CHIC1: variants seen among roughly 807,000 people sequenced by gnomAD.
The protein encoded by CHIC1 is cysteine rich hydrophobic domain 1, also known as cysteine-rich hydrophobic domain-containing protein 1.
In CHIC1, 7 loss-of-function variants were observed where a neutral mutation model predicts 18.5. The ratio of observed to expected loss-of-function variants is 0.38; its 90% CI spans 0.22 to 0.71. CHIC1 has a LOEUF of 0.71. CHIC1 is among the 30% of genes least tolerant of loss of function. CHIC1 has a pLI of 0.49. For missense variants in CHIC1, 159 were observed against 176.9 expected (o/e 0.90, Z 0.57); for synonymous variants, 77 against 73.5 (o/e 1.05, Z -0.25).
chrX:73,572,710 G>T (rs2057476961), intron 1 of CHIC1, among the ~76,000 whole-genome samples: 1 of 111,439 alleles, frequency 9.0e-6, no homozygotes, highest in Admixed American at 9.5e-5. Context: ...TAGTGATGAT[G>T]AGCATTTTTT....
intron 3 of CHIC1, among the ~76,000 whole-genome samples, chrX:73,666,904 T>C (rs1302412220): frequency 1.8e-5 from 2 of 111,698 alleles, no homozygotes. Context: ...GTCCTGAATA[T>C]CTGTTAATCT....
In CHIC1 at chrX:73,681,352, A is replaced by T; in HGVS notation, c.*347A>T. 7.0e-6 allele frequency: 1 copy of T among 142,357 alleles called. No individual in the cohort carries two copies. Among genetic ancestry groups the T allele is most frequent in the Non-Finnish European group, 1.4e-5 (1 of 73,294 alleles). The allele number at this position is 142,357 out of a possible 1,213,427, so 11.7% of individuals were successfully genotyped here. On this transcript the variant is annotated 3_prime_UTR_variant, in exon 6 of 6. Transcript: ENST00000373502. ...TAATTTTCATACTCATTGTTTCTAA[A>T]CTCGCATCATTTTTCTAGGCTACTT...
At chrX:73,600,534 T>C (rs1235153785) in intron 3 of CHIC1, among the ~76,000 whole-genome samples, 1 of 108,432 alleles carries the variant, frequency 9.2e-6, no homozygotes, top group South Asian at 3.8e-4. Flanking sequence ...TTGAGAGTTT[T>C]TAGCATGAAG....
intron 3 of CHIC1, among the ~76,000 whole-genome samples, chrX:73,677,553 A>G (rs2058073344): frequency 8.9e-6 from 1 of 111,952 alleles, no homozygotes; most frequent in Non-Finnish European, 1.9e-5. Context: ...GCAGGATATA[A>G]TCTCCTGGTG....
intron 3 of CHIC1, among the ~76,000 whole-genome samples, chrX:73,658,963 C>G (rs2057965450): frequency 8.9e-6 from 1 of 111,795 alleles, no homozygotes; most frequent in African/African-American, 3.3e-5. Context: ...GGCTAGGGGA[C>G]CAGGCCACCC....
chrX:73,629,422 G>A (rs1013945920), intron 3 of CHIC1, among the ~76,000 whole-genome samples: 12 of 111,150 alleles, frequency 1.1e-4, no homozygotes, highest in Non-Finnish European at 2.1e-4. Flanking sequence ...TTTTCTTTTA[G>A]GAGTTTTACA....
At chrX:73,658,367 G>A (rs2057962346) in intron 3 of CHIC1, among the ~76,000 whole-genome samples, 1 of 100,182 alleles carries the variant, frequency 1.0e-5, no homozygotes, top group Admixed American at 1.2e-4. Context: ...TCAGTCCTAG[G>A]AGGTTGTATG....
intron 3 of CHIC1, among the ~76,000 whole-genome samples, chrX:73,670,974 G>C (rs942185193): frequency 8.9e-6 from 1 of 112,049 alleles, no homozygotes; most frequent in African/African-American, 3.2e-5. Flanking sequence ...AGAAGAATGT[G>C]TATCCTGCAA....
At chrX:73,604,858 T>C (rs1309458219) in intron 3 of CHIC1, among the ~76,000 whole-genome samples, 2 of 109,560 alleles carry the variant, frequency 1.8e-5, no homozygotes, top group African/African-American at 3.5e-5. Flanking sequence ...GATTGTACTG[T>C]GGTCTGAAAG....
chrX:73,624,493 A>G (rs1196211361), intron 3 of CHIC1, among the ~76,000 whole-genome samples: 1 of 112,441 alleles, frequency 8.9e-6, no homozygotes, highest in Non-Finnish European at 1.9e-5. Flanking sequence ...GGTGAAACTA[A>G]TAAGCCTTAG....
At chrX:73,585,755 G>T (rs189152392) in intron 3 of CHIC1, among the ~76,000 whole-genome samples, 10 of 110,509 alleles carry the variant, frequency 9.0e-5, no homozygotes, top group Non-Finnish European at 1.9e-4. Flanking sequence ...TTTTTCTGAT[G>T]ACCTGTTTAC....
intron 3 of CHIC1, among the ~76,000 whole-genome samples, chrX:73,643,495 T>G (rs2057869975): frequency 8.9e-6 from 1 of 112,064 alleles, no homozygotes; most frequent in Non-Finnish European, 1.9e-5. Context: ...CCCGTCACTT[T>G]CAGATACACC....
At chrX:73,639,886 T>C (rs756754791) in intron 3 of CHIC1, among the ~76,000 whole-genome samples, 6 of 112,092 alleles carry the variant, frequency 5.4e-5, no homozygotes, top group Non-Finnish European at 9.4e-5. Context: ...TTTTGTATTG[T>C]GAAACTTTGC....
At chrX:73,645,940 C>T (rs1281882119) in intron 3 of CHIC1, among the ~76,000 whole-genome samples, 2 of 111,579 alleles carry the variant, frequency 1.8e-5, no homozygotes, top group East Asian at 5.6e-4. Context: ...GTTGCCTGCG[C>T]TTTTACCAAG....
intron 3 of CHIC1, among the ~76,000 whole-genome samples, chrX:73,665,620 C>T (rs1177366434): frequency 5.4e-5 from 6 of 111,428 alleles, no homozygotes; most frequent in African/African-American, 2.0e-4. Context: ...CCCAAGCAGG[C>T]ACCAGTGACT....
Position 73,667,768 on chromosome X carries a change from C to G in CHIC1, c.508-11558C>G, listed in dbSNP as rs184618663. 4.5e-5 allele frequency among the ~76,000 whole-genome samples: 5 copies of G among 111,032 alleles called. No individual in the cohort carries two copies. In the Admixed American group the frequency reaches 4.8e-4, roughly 11 times the overall value. ...CTCTTAGTCTTCCCCTTGTATGTGA[C>G]TTGGCCTTTCTCTCTGGCTACCCTT... On this transcript the variant is annotated intron_variant, in intron 3 of 5. Coordinates refer to ENST00000373502, the MANE Select transcript of CHIC1 (RefSeq NM_001039840.4).
At chrX:73,621,413 A>G (rs2057759774) in intron 3 of CHIC1, among the ~76,000 whole-genome samples, 1 of 111,689 alleles carries the variant, frequency 9.0e-6, no homozygotes, top group Non-Finnish European at 1.9e-5. Context: ...GGTCCTTCAC[A>G]TCCTTTGTAA....
chrX:73,595,747 C>A (rs1190769791), intron 3 of CHIC1, among the ~76,000 whole-genome samples: 2 of 111,224 alleles, frequency 1.8e-5, no homozygotes, highest in Non-Finnish European at 3.8e-5. Context: ...GAGGAATCGC[C>A]ACATTGTCTT....
At chrX:73,621,434 T>C (rs750004430) in intron 3 of CHIC1, among the ~76,000 whole-genome samples, 38 of 111,963 alleles carry the variant, frequency 3.4e-4, no homozygotes, top group African/African-American at 1.1e-3. Flanking sequence ...GTTGTATTTG[T>C]AGGTATTTTA....
Sources: gnomAD v4.1 joint callset for allele counts (sites outside exome capture counted in the v4.1 genomes callset) on GRCh38, gnomAD v4.1.1 for gene constraint, MANE v1.5 for transcripts, NCBI Gene and HGNC (gene_info 2026-07-23, HGNC 2026-07-21) for gene names.